EXOC6B: variants seen among roughly 807,000 people sequenced by gnomAD.
EXOC6B encodes the protein SEC15 homolog B.
In EXOC6B, 54 loss-of-function variants were observed where a neutral mutation model predicts 113.5. The observed-to-expected ratio is 0.48, with a 90% CI of 0.38 to 0.60. The LOEUF is 0.60. EXOC6B is among the 20% of genes least tolerant of loss of function. The pLI, the probability that EXOC6B is intolerant of heterozygous loss-of-function variation, is 0.00. For missense variants in EXOC6B, 797 were observed against 977.5 expected, an observed-to-expected ratio of 0.82 and a Z score of 2.46; for synonymous variants, 357 against 339.0, an observed-to-expected ratio of 1.05 and a Z score of -0.58.
intron 6 of EXOC6B, among the ~76,000 whole-genome samples, chr2:72,681,703 G>A (rs548528382): frequency 5.6e-4 from 85 of 151,546 alleles, no homozygotes; most frequent in South Asian, 1.0e-3. Context: ...AGCTGTGTAC[G>A]TTTTAATCTT....
intron 6 of EXOC6B, among the ~76,000 whole-genome samples, chr2:72,683,244 C>G (rs771154060): frequency 3.3e-5 from 5 of 152,074 alleles, no homozygotes; most frequent in Non-Finnish European, 7.4e-5. Flanking sequence ...GATTCTCCAC[C>G]TTCCTCAACC....
intron 14 of EXOC6B, 116 bp downstream of exon 14, chr2:72,496,338 T>C: frequency 1.7e-6 from 1 of 602,316 alleles, no homozygotes; most frequent in Non-Finnish European, 2.9e-6. Flanking sequence ...TTTGAAATTG[T>C]TTTAGAGTTC....
intron 21 of EXOC6B, among the ~76,000 whole-genome samples, chr2:72,182,093 T>C (rs73942535): frequency 6.6e-6 from 1 of 152,296 alleles, no homozygotes; most frequent in African/African-American, 2.4e-5. Context: ...TCAATTCCTA[T>C]GAGGCTGGGA....
intron 21 of EXOC6B, among the ~76,000 whole-genome samples, chr2:72,180,363 A>G (rs1408328504): frequency 6.6e-6 from 1 of 152,234 alleles, no homozygotes; most frequent in Non-Finnish European, 1.5e-5. Flanking sequence ...AAGTCTGACT[A>G]AGCAACTGTG....
rs537864908 is a variant in EXOC6B at position 72,664,351 on chromosome 2, G to A, written c.669+53752C>T. Among the ~76,000 whole-genome samples, 169 of 152,242 alleles carry A rather than the reference G, an allele frequency of 1.1e-3. 1 individual carries two copies. Among genetic ancestry groups the A allele is most frequent in the Middle Eastern group, 6.8e-3 (2 of 294 alleles). On this transcript the variant is annotated intron_variant, in intron 6 of 21. Coordinates refer to ENST00000272427, the MANE Select transcript of EXOC6B (RefSeq NM_015189.3). ...AGTGGGGAAGCTAGGATCCCAGCAC[G>A]GAGTTGCTGAGAGCCAGCACTAGTT...
chr2:72,816,115 C>T (rs1317938638), intron 1 of EXOC6B, among the ~76,000 whole-genome samples: 3 of 152,142 alleles, frequency 2.0e-5, no homozygotes, highest in African/African-American at 7.2e-5. Flanking sequence ...GCAGAGATTG[C>T]GCCACTGCAT....
At chr2:72,344,295 C>G (rs916040531) in intron 19 of EXOC6B, among the ~76,000 whole-genome samples, 2 of 151,932 alleles carry the variant, frequency 1.3e-5, no homozygotes, top group Non-Finnish European at 2.9e-5. Flanking sequence ...GGTTTTATAT[C>G]TCTTTATTGC....
chr2:72,610,886 G>T (rs773504265), intron 6 of EXOC6B, among the ~76,000 whole-genome samples: 51 of 152,168 alleles, frequency 3.4e-4, no homozygotes, highest in Non-Finnish European at 6.2e-4. Flanking sequence ...CACCTTCCTT[G>T]TGATGAAAGT....
chr2:72,559,349 A>AC (rs1359097273), intron 8 of EXOC6B, 104 bp downstream of exon 8: 2 of 739,248 alleles, frequency 2.7e-6, no homozygotes, highest in Admixed American at 3.8e-5. Flanking sequence ...GAGTTTTCTC[A>AC]TTTTTCACTC....
At chr2:72,705,996 A>T (rs1440003225) in intron 6 of EXOC6B, among the ~76,000 whole-genome samples, 1 of 152,214 alleles carries the variant, frequency 6.6e-6, no homozygotes, top group Non-Finnish European at 1.5e-5. Flanking sequence ...GACCAGAGAA[A>T]AGAATAAACC....
intron 6 of EXOC6B, among the ~76,000 whole-genome samples, chr2:72,638,443 G>T (rs931818640): frequency 3.3e-5 from 5 of 152,008 alleles, no homozygotes; most frequent in Non-Finnish European, 4.4e-5. Flanking sequence ...CAAGACAACT[G>T]GTATAATCCA....
chr2:72,367,715 G>A (rs928897770), intron 19 of EXOC6B, among the ~76,000 whole-genome samples: 9 of 152,294 alleles, frequency 5.9e-5, no homozygotes, highest in African/African-American at 1.9e-4. Context: ...GGCCTGGAGA[G>A]TTTGTGCACT....
chr2:72,565,266 G>A lies in EXOC6B; in HGVS notation c.847-5745C>T, dbSNP rs942673924. Among the ~76,000 whole-genome samples the A allele has an allele frequency of 3.4e-5, 5 of 148,920 alleles. No homozygotes were observed. The South Asian group carries it at 8.4e-4, about 25-fold the overall frequency. On this transcript the variant is annotated intron_variant, in intron 7 of 21. Coordinates refer to ENST00000272427, the MANE Select transcript of EXOC6B (RefSeq NM_015189.3). Reference sequence around the variant, plus strand: ...CTCAGGAGGCTGAAGTGGGAGGATCGCTTGAGCCTGGGAGGACGAGGCTGC... The same window carrying A: ...CTCAGGAGGCTGAAGTGGGAGGATCACTTGAGCCTGGGAGGACGAGGCTGC...
chr2:72,533,521 C>T (rs929690987), intron 8 of EXOC6B, among the ~76,000 whole-genome samples: 13 of 152,198 alleles, frequency 8.5e-5, no homozygotes, highest in Non-Finnish European at 1.8e-4. Flanking sequence ...ATCTTTGAAG[C>T]AAACTGTTAA....
chr2:72,260,658 AT>A (rs911230909), intron 20 of EXOC6B, among the ~76,000 whole-genome samples: 1 of 152,168 alleles, frequency 6.6e-6, no homozygotes, highest in Non-Finnish European at 1.5e-5. Flanking sequence ...CATCCAGATA[AT>A]TTGATAAGAG....
chr2:72,661,235 T>C (rs1240149812), intron 6 of EXOC6B, among the ~76,000 whole-genome samples: 4 of 151,722 alleles, frequency 2.6e-5, no homozygotes, highest in Non-Finnish European at 5.9e-5. Flanking sequence ...GACCCACCTT[T>C]CTAGCCAGAG....
At chr2:72,797,250 T>C (rs1573812767) in intron 1 of EXOC6B, among the ~76,000 whole-genome samples, 1 of 152,338 alleles carries the variant, frequency 6.6e-6, no homozygotes, top group East Asian at 1.9e-4. Context: ...GAAAGAGCTG[T>C]TTTTACAAAA....
chr2:72,638,566 C>T (rs1247287832), intron 6 of EXOC6B, among the ~76,000 whole-genome samples: 6 of 152,174 alleles, frequency 3.9e-5, no homozygotes, highest in East Asian at 1.9e-4. Flanking sequence ...TACCCGGACT[C>T]GTTCCTGGCC....
At chr2:72,802,038 C>G (rs1034151257) in intron 1 of EXOC6B, among the ~76,000 whole-genome samples, 1 of 152,062 alleles carries the variant, frequency 6.6e-6, no homozygotes, top group South Asian at 2.1e-4. Context: ...AGTATAAGAA[C>G]TTGTGGCTGG....
Sources: gnomAD v4.1 joint callset for allele counts (sites outside exome capture counted in the v4.1 genomes callset) on GRCh38, gnomAD v4.1.1 for gene constraint, MANE v1.5 for transcripts, NCBI Gene and HGNC (gene_info 2026-07-23, HGNC 2026-07-21) for gene names.